VANGL1: variants seen among roughly 807,000 people sequenced by gnomAD.
VANGL1 encodes the protein vang-like protein 1.
A neutral mutation model predicts 48.4 loss-of-function variants in VANGL1; 18 were observed. The observed-to-expected ratio is 0.37, with a 90% CI of 0.26 to 0.55. The LOEUF (loss-of-function observed/expected upper bound fraction) is 0.55, where lower values mean the gene tolerates loss of function less well. Among genes scored for constraint, VANGL1 ranks in the 20% least tolerant of loss-of-function variants. The probability of loss-of-function intolerance (pLI) is 0.81; values close to 1 mark genes in which losing one functional copy is unlikely to be tolerated. For missense variants in VANGL1, 667 were observed against 675.8 expected (o/e 0.99, Z 0.14); for synonymous variants, 257 against 261.8 (o/e 0.98, Z 0.18).
chr1:115,671,946 A>G (rs1277013122), intron 4 of VANGL1, among the ~76,000 whole-genome samples: 1 of 152,206 alleles, frequency 6.6e-6, no homozygotes, highest in African/African-American at 2.4e-5. Flanking sequence ...CAGAACTGCC[A>G]CTGGGTCGTG....
At chr1:115,673,054 A>T (rs182198130) in intron 4 of VANGL1, among the ~76,000 whole-genome samples, 88 of 152,302 alleles carry the variant, frequency 5.8e-4, no homozygotes, top group Admixed American at 5.4e-3. Flanking sequence ...ATCAACTTGT[A>T]TTGGGGATTC....
intron 2 of VANGL1, among the ~76,000 whole-genome samples, chr1:115,653,717 C>G (rs921423451): frequency 5.3e-5 from 8 of 152,166 alleles, no homozygotes; most frequent in African/African-American, 1.9e-4. Flanking sequence ...ACTGTAACTT[C>G]CAATTAAAAC....
At chr1:115,650,813 G>A (rs1026934971) in intron 1 of VANGL1, among the ~76,000 whole-genome samples, 2 of 150,840 alleles carry the variant, frequency 1.3e-5, no homozygotes, top group South Asian at 2.1e-4. Context: ...CCAGAAATTC[G>A]GATCCTAGAT....
rs534715409 is a variant in VANGL1 at position 115,649,026 on chromosome 1, T to C, written c.-137-2251T>C. On this transcript the variant is annotated intron_variant, in intron 1 of 7. Transcript: ENST00000355485. Reference sequence around the variant, plus strand: ...GGGAGGATCTCAGTTCACTCAGGGCTGGAGATCTTCGAAGCACATCCTAAT... The same window carrying C: ...GGGAGGATCTCAGTTCACTCAGGGCCGGAGATCTTCGAAGCACATCCTAAT... Among the ~76,000 whole-genome samples the C allele has an allele frequency of 2.6e-5, 4 of 152,270 alleles. No individual in the cohort carries two copies. In the South Asian group the frequency reaches 8.3e-4, roughly 32 times the overall value.
chr1:115,659,695 A>G lies in VANGL1; in HGVS notation c.126A>G (p.Ser42=). 1 of 1,614,252 alleles carries G rather than the reference A, an allele frequency of 6.2e-7. No homozygotes were observed. Residue 42 remains serine, a synonymous_variant, in exon 3 of 8, where the codon TCA becomes TCG. Coordinates refer to ENST00000355485, the MANE Select transcript of VANGL1 (RefSeq NM_138959.3). The stretch of plus-strand genomic sequence containing the variant: ...CCCGGAATAAAGACGGCAGAGGGTC[A>G]GAAAAGTCTGTCACCATTCAACCTC... ...KSPRNKDGRG[S]EKSVTIQPPT...
rs935525222 is a variant in VANGL1, at chr1:115,642,020, G to C, written c.-204G>C. ...TCTGCCTCTCCAGGAGCCCAGCGCAGGCCGCAGAGCCGGGGCCGCTGTGAG... is the reference window on the plus strand; with the variant it reads ...TCTGCCTCTCCAGGAGCCCAGCGCACGCCGCAGAGCCGGGGCCGCTGTGAG... On this transcript the variant is annotated 5_prime_UTR_variant, in exon 1 of 8. Coordinates refer to ENST00000355485, the MANE Select transcript of VANGL1 (RefSeq NM_138959.3). 6.6e-6 allele frequency: 1 copy of C among 151,480 alleles called. No homozygotes were observed. The highest frequency in any genetic ancestry group is 2.4e-5 in the African/African-American group (1 of 41,234). 9.4% of individuals were successfully genotyped at this position (151,480 alleles called of 1,614,324 possible). A position where few individuals can be genotyped will look rare whatever the true frequency, so the allele number is the denominator to read the frequency against.
intron 3 of VANGL1, among the ~76,000 whole-genome samples, chr1:115,660,265 T>C (rs2101329180): frequency 6.6e-6 from 1 of 152,298 alleles, no homozygotes; most frequent in East Asian, 1.9e-4. Context: ...TATATTAACC[T>C]AGCTTTGGGT....
At chr1:115,669,307 C>G (rs959959252) in intron 4 of VANGL1, among the ~76,000 whole-genome samples, 1 of 152,144 alleles carries the variant, frequency 6.6e-6, no homozygotes, top group Admixed American at 6.5e-5. Flanking sequence ...GTACCTAATT[C>G]AGCCAGCAGG....
chr1:115,696,968 G>C lies in VANGL1; in HGVS notation c.*5589G>C, dbSNP rs1446683465. On this transcript the variant is annotated 3_prime_UTR_variant, in exon 8 of 8. Coordinates refer to ENST00000355485, the MANE Select transcript of VANGL1 (RefSeq NM_138959.3). ...TTCTTTTGGCACTGAAATGGTATTT[G>C]GGAAGCATTATTTGAATGTACAGTT... 6.6e-6 allele frequency: 1 copy of C among 152,210 alleles called. No homozygotes were observed. The highest frequency in any genetic ancestry group is 1.5e-5 in the Non-Finnish European group (1 of 68,034). 9.4% of individuals were successfully genotyped at this position (152,210 alleles called of 1,614,324 possible).
intron 2 of VANGL1, among the ~76,000 whole-genome samples, chr1:115,657,935 T>C (rs1652408877): frequency 6.6e-6 from 1 of 152,038 alleles, no homozygotes; most frequent in African/African-American, 2.4e-5. Context: ...CCACACACTT[T>C]TAAACAACCA....
intron 3 of VANGL1, among the ~76,000 whole-genome samples, chr1:115,662,146 A>G (rs1336090180): frequency 1.3e-5 from 2 of 152,138 alleles, no homozygotes; most frequent in Admixed American, 1.3e-4. Context: ...TGCAAGTTGA[A>G]GGATTATTAG....
In VANGL1 at chr1:115,647,771, T is replaced by C. The variant is rs116648469; in HGVS notation, c.-137-3506T>C. Among the ~76,000 whole-genome samples the C allele has an allele frequency of 3.4e-3, 517 of 152,122 alleles. 1 individual carries two copies. The highest frequency in any genetic ancestry group is 0.012 in the African/African-American group (489 of 41,470). On this transcript the variant is annotated intron_variant, in intron 1 of 7. Coordinates refer to ENST00000355485, the MANE Select transcript of VANGL1 (RefSeq NM_138959.3). ...GTGGCACAGGGTTAGATCCTTAGGA[T>C]GAGGGTATTGCTTTAGCTGAGGAAT...
chr1:115,664,053 C>G lies in VANGL1; in HGVS notation c.597C>G (p.Ser199=). Residue 199 remains serine, a synonymous_variant, in exon 4 of 8, where the codon TCC becomes TCG. Coordinates refer to ENST00000355485, the MANE Select transcript of VANGL1 (RefSeq NM_138959.3). ...TCCTCATCTTTCTCTTTGTGGTTTCCTATTGGCTTTTTTACGGGGTCCGCA... is the reference window on the plus strand; with the variant it reads ...TCCTCATCTTTCTCTTTGTGGTTTCGTATTGGCTTTTTTACGGGGTCCGCA... ...LLVLIFLFVV[S]YWLFYGVRIL... The G allele has an allele frequency of 1.2e-6, 2 of 1,614,092 alleles. No homozygotes were observed. Among genetic ancestry groups the G allele is most frequent in the Non-Finnish European group, 1.7e-6 (2 of 1,180,020 alleles).
chr1:115,676,041 G>A (rs939336579), intron 4 of VANGL1, among the ~76,000 whole-genome samples: 5 of 152,160 alleles, frequency 3.3e-5, no homozygotes, highest in Non-Finnish European at 7.3e-5. Context: ...TTAGTAATGC[G>A]ATAATTTTTT....
At chr1:115,644,971 A>G (rs1294579255) in intron 1 of VANGL1, among the ~76,000 whole-genome samples, 1 of 152,244 alleles carries the variant, frequency 6.6e-6, no homozygotes, top group Admixed American at 6.5e-5. Context: ...TAAAAGAATC[A>G]TTGGGTTTGT....
At chr1:115,666,047 A>G (rs1375267200) in intron 4 of VANGL1, among the ~76,000 whole-genome samples, 2 of 152,242 alleles carry the variant, frequency 1.3e-5, no homozygotes, top group Non-Finnish European at 2.9e-5. Context: ...AGCAGGAGAC[A>G]GTCTGTCTCA....
rs184469057 is a variant in VANGL1 at position 115,693,500 on chromosome 1, G to A, written c.*2121G>A. ...CTGGCATGTGCATTCCCAGCAGGGT[G>A]AAGAAAGGTTTAAATTAAAGAATTT... On this transcript the variant is annotated 3_prime_UTR_variant, in exon 8 of 8. Coordinates refer to ENST00000355485, the MANE Select transcript of VANGL1 (RefSeq NM_138959.3). The A allele has an allele frequency of 2.6e-4, 40 of 152,742 alleles. No individual in the cohort carries two copies. The highest frequency in any genetic ancestry group is 1.4e-4 in the African/African-American group (6 of 41,570). 9.5% of individuals were successfully genotyped at this position (152,742 alleles called of 1,614,324 possible).
intron 4 of VANGL1, among the ~76,000 whole-genome samples, chr1:115,677,833 A>G (rs1653224060): frequency 6.6e-6 from 1 of 152,176 alleles, no homozygotes; most frequent in Non-Finnish European, 1.5e-5. Flanking sequence ...TCTGAATTTA[A>G]TGGTGATAAC....
rs1368637241 is a variant in VANGL1, at chr1:115,652,112, T to C, written c.71+628T>C. 3.3e-5 allele frequency among the ~76,000 whole-genome samples: 5 copies of C among 152,246 alleles called. No homozygotes were observed. In the East Asian group the frequency reaches 9.6e-4, roughly 29 times the overall value. ...GCTTGTTGCTTTTCACCTGAAGTTG[T>C]TGACTCATTGTCCATTATGCCTTTG... On this transcript the variant is annotated intron_variant, in intron 2 of 7. Transcript: ENST00000355485.
Sources: allele counts gnomAD v4.1 joint callset (sites outside exome capture counted in the v4.1 genomes callset), GRCh38; gene constraint gnomAD v4.1.1; transcripts MANE v1.5; gene names NCBI Gene and HGNC (gene_info 2026-07-23, HGNC 2026-07-21).